Variants in SYNPR observed in about 807,000 individuals in gnomAD.
The protein encoded by SYNPR is synaptoporin.
Under a neutral mutation model 32.9 loss-of-function variants are expected in SYNPR, and 23 were observed. The observed-to-expected ratio is 0.70, with a 90% CI of 0.50 to 0.99. SYNPR has a LOEUF of 0.99. Among genes scored for constraint, SYNPR ranks in the 50% least tolerant of loss-of-function variants. SYNPR has a pLI of 0.00. For synonymous variants in SYNPR, 146 were observed against 135.9 expected, an observed-to-expected ratio of 1.07 and a Z score of -0.52; for missense variants, 318 against 349.3, an observed-to-expected ratio of 0.91 and a Z score of 0.71.
At chr3:63,533,226 A>G (rs551682828) in intron 3 of SYNPR, among the ~76,000 whole-genome samples, 16 of 152,178 alleles carry the variant, frequency 1.1e-4, no homozygotes, top group Non-Finnish European at 2.4e-4. Context: ...GAAGGATGGA[A>G]ATGAAAGAAG....
intron 2 of SYNPR, among the ~76,000 whole-genome samples, chr3:63,423,140 G>GA (rs1699828858): frequency 6.6e-6 from 1 of 152,110 alleles, no homozygotes; most frequent in Admixed American, 6.6e-5. Context: ...ACATGGATGA[G>GA]AAAAAATACA....
rs117818858 is a variant in SYNPR, at chr3:63,598,410, A to G, written c.409-10715A>G. On this transcript the variant is annotated intron_variant, in intron 4 of 5. Transcript: ENST00000478300. ...ATGAAAAGTGAGGGCAACAAACTGA[A>G]TGGAAACAAACCACCCAGCCAACAT... is the stretch of plus-strand genomic sequence containing the variant. 9.6e-4 allele frequency among the ~76,000 whole-genome samples: 146 copies of G among 152,334 alleles called. 2 individuals carry two copies. The East Asian group carries it at 0.022, about 23-fold the overall frequency.
intron 2 of SYNPR, among the ~76,000 whole-genome samples, chr3:63,394,741 G>C (rs1323958931): frequency 1.3e-5 from 2 of 152,124 alleles, no homozygotes; most frequent in African/African-American, 4.8e-5. Context: ...ATTTGATTCA[G>C]AATCATTTCT....
intron 3 of SYNPR, among the ~76,000 whole-genome samples, chr3:63,524,004 A>T (rs1701958731): frequency 6.6e-6 from 1 of 152,080 alleles, no homozygotes. Flanking sequence ...ATCATCTACC[A>T]CATCCCAAAT....
intron 2 of SYNPR, among the ~76,000 whole-genome samples, chr3:63,261,314 G>T (rs1430726769): frequency 6.6e-6 from 1 of 151,960 alleles, no homozygotes; most frequent in Non-Finnish European, 1.5e-5. Flanking sequence ...TTGGAACCAA[G>T]CCAAATGTCC....
intron 2 of SYNPR, among the ~76,000 whole-genome samples, chr3:63,388,035 C>T (rs748851409): frequency 2.0e-5 from 3 of 152,084 alleles, no homozygotes; most frequent in African/African-American, 2.4e-5. Flanking sequence ...AGCAGCTGAG[C>T]GGACCCTGCA....
chr3:63,283,480 A>G (rs1394568741), intron 2 of SYNPR, among the ~76,000 whole-genome samples: 1 of 152,182 alleles, frequency 6.6e-6, no homozygotes, highest in Non-Finnish European at 1.5e-5. Context: ...GGTCTTTTAC[A>G]TTTATTCCCT....
chr3:63,432,236 C>G (rs909974276), intron 2 of SYNPR, among the ~76,000 whole-genome samples: 28 of 152,160 alleles, frequency 1.8e-4, no homozygotes, highest in Non-Finnish European at 3.1e-4. Context: ...ATTCCCCACT[C>G]TCTTTTCTGG....
In SYNPR at chr3:63,508,478, T is replaced by C. The variant is rs142241242; in HGVS notation, c.209+27522T>C. 1.1e-3 allele frequency among the ~76,000 whole-genome samples: 169 copies of C among 152,238 alleles called. 1 individual carries two copies. The highest frequency in any genetic ancestry group is 3.5e-3 in the African/African-American group (147 of 41,548). On this transcript the variant is annotated intron_variant, in intron 3 of 5. Coordinates refer to ENST00000478300, the MANE Select transcript of SYNPR (RefSeq NM_001130003.2). ...GTAAGGTGACTCTGGTGATGTAAAGTGACTCAGATATGCTGGGGGTGGAAT... is the reference window on the plus strand; with the variant it reads ...GTAAGGTGACTCTGGTGATGTAAAGCGACTCAGATATGCTGGGGGTGGAAT...
At chr3:63,337,137 C>A (rs2087305091) in intron 2 of SYNPR, among the ~76,000 whole-genome samples, 1 of 141,864 alleles carries the variant, frequency 7.0e-6, no homozygotes, top group Non-Finnish European at 1.5e-5. Flanking sequence ...GAGGCTGAGG[C>A]AGGAGAATTG....
chr3:63,414,068 C>A (rs1219416639), intron 2 of SYNPR, among the ~76,000 whole-genome samples: 5 of 151,130 alleles, frequency 3.3e-5, no homozygotes. Flanking sequence ...AAAACAAAGG[C>A]CCCTGGTTGT....
chr3:63,526,850 C>G lies in SYNPR; in HGVS notation c.210-29693C>G, dbSNP rs191742995. On this transcript the variant is annotated intron_variant, in intron 3 of 5. Transcript: ENST00000478300. The stretch of plus-strand genomic sequence containing the variant: ...TCAGGATGCTGGCTGAGGTACGATT[C>G]AACTAGCACTTACTGAGCATTAGCT... 1.5e-3 allele frequency among the ~76,000 whole-genome samples: 233 copies of G among 152,240 alleles called. 1 individual carries two copies. Among genetic ancestry groups the G allele is most frequent in the African/African-American group, 5.2e-3 (215 of 41,526 alleles).
intron 3 of SYNPR, among the ~76,000 whole-genome samples, chr3:63,487,983 C>T (rs1035607528): frequency 3.3e-5 from 5 of 152,124 alleles, no homozygotes; most frequent in African/African-American, 1.2e-4. Context: ...CTGTCGTTCC[C>T]CCACCCCTGT....
At chr3:63,278,630 C>T in intron 1 of SYNPR, 47 bp from the exon 2 acceptor site, 2 of 1,550,884 alleles carry the variant, frequency 1.3e-6, no homozygotes, top group Non-Finnish European at 1.7e-6. Context: ...CGCCCCCAGC[C>T]CCTTCCTCAC....
At chr3:63,266,819 C>A (rs1299850921) in intron 2 of SYNPR, among the ~76,000 whole-genome samples, 1 of 152,024 alleles carries the variant, frequency 6.6e-6, no homozygotes, top group African/African-American at 2.4e-5. Flanking sequence ...TCAGGGCTGG[C>A]TTCTCCACGA....
intron 4 of SYNPR, among the ~76,000 whole-genome samples, chr3:63,578,765 A>G (rs1333563220): frequency 1.3e-5 from 2 of 152,160 alleles, no homozygotes; most frequent in Non-Finnish European, 2.9e-5. Flanking sequence ...CTGTATCTCA[A>G]TGAAATAGCC....
intron 4 of SYNPR, among the ~76,000 whole-genome samples, chr3:63,557,687 G>A (rs9843471): frequency 0.022 from 3,358 of 152,154 alleles, 116 homozygotes; most frequent in African/African-American, 0.076. Flanking sequence ...GTTACTATGC[G>A]ATGTGGGACA....
intron 1 of SYNPR, among the ~76,000 whole-genome samples, chr3:63,251,324 C>G (rs1022993932): frequency 1.3e-5 from 2 of 148,740 alleles, no homozygotes; most frequent in African/African-American, 4.9e-5. Context: ...ATCCTGGTAT[C>G]AAAAAAAAAA....
At chr3:63,480,573 T>C (rs1701026859) in intron 2 of SYNPR, among the ~76,000 whole-genome samples, 1 of 152,136 alleles carries the variant, frequency 6.6e-6, no homozygotes, top group African/African-American at 2.4e-5. Flanking sequence ...CTTTACACAC[T>C]CAAACACAGC....
Sources: gnomAD v4.1 joint callset for allele counts (sites outside exome capture counted in the v4.1 genomes callset) on GRCh38, gnomAD v4.1.1 for gene constraint, MANE v1.5 for transcripts, NCBI Gene and HGNC (gene_info 2026-07-23, HGNC 2026-07-21) for gene names.